DOCK1: variants seen among roughly 807,000 people sequenced by gnomAD.
The protein encoded by DOCK1 is dedicator of cytokinesis protein 1.
Under a neutral mutation model 262.7 loss-of-function variants are expected in DOCK1, and 138 were observed. That is an observed-to-expected ratio of 0.53 (90% CI 0.46 to 0.61). The LOEUF is 0.61. Ranked by LOEUF, DOCK1 falls within the 20% of genes least tolerant of loss-of-function variation. The probability of loss-of-function intolerance (pLI) is 0.00; values close to 1 mark genes in which losing one functional copy is unlikely to be tolerated. For synonymous variants in DOCK1, 866 were observed against 867.4 expected (o/e 1.00, Z 0.03); for missense variants, 1,908 against 2,370.7 (o/e 0.80, Z 4.05).
intron 28 of DOCK1, among the ~76,000 whole-genome samples, chr10:127,253,805 T>A (rs1439469586): frequency 6.8e-6 from 1 of 146,192 alleles, no homozygotes; most frequent in African/African-American, 2.5e-5. Flanking sequence ...AGCCTAGGAG[T>A]TTGAGGCTGC....
intron 1 of DOCK1, among the ~76,000 whole-genome samples, chr10:126,958,711 G>T (rs2036950803): frequency 6.6e-6 from 1 of 152,146 alleles, no homozygotes; most frequent in Non-Finnish European, 1.5e-5. Flanking sequence ...GTGGGTTGGG[G>T]ACCTATGAGG....
At chr10:127,110,407 A>T (rs969594284) in intron 25 of DOCK1, 53 bp downstream of exon 25, 7 of 1,505,518 alleles carry the variant, frequency 4.6e-6, no homozygotes, top group Middle Eastern at 1.7e-4. Context: ...TTTTCTGAAG[A>T]CATTGACCCT....
chr10:127,315,522 A>C (rs1348800785), intron 29 of DOCK1, among the ~76,000 whole-genome samples: 1 of 151,944 alleles, frequency 6.6e-6, no homozygotes, highest in Non-Finnish European at 1.5e-5. Flanking sequence ...AACACATCTC[A>C]CACCTTGATC....
chr10:126,999,829 C>T (rs1307589695), intron 9 of DOCK1, among the ~76,000 whole-genome samples: 5 of 152,172 alleles, frequency 3.3e-5, no homozygotes, highest in Admixed American at 3.3e-4. Context: ...GCATGCACCA[C>T]CACACCTTGC....
chr10:127,340,769 AT>A, intron 30 of DOCK1, among the ~76,000 whole-genome samples: 1 of 152,040 alleles, frequency 6.6e-6, no homozygotes, highest in East Asian at 1.9e-4. Context: ...TTTTGTTTTT[AT>A]TGTCATTTTT....
At chr10:127,119,907 A>G (rs1248430160) in intron 25 of DOCK1, among the ~76,000 whole-genome samples, 1 of 152,220 alleles carries the variant, frequency 6.6e-6, no homozygotes, top group African/African-American at 2.4e-5. Context: ...AATACCTTTT[A>G]TAAAGATTAA....
chr10:126,984,784 C>G (rs911593469), intron 4 of DOCK1, among the ~76,000 whole-genome samples: 1 of 152,028 alleles, frequency 6.6e-6, no homozygotes, highest in Non-Finnish European at 1.5e-5. Context: ...GTGTGCATTA[C>G]CTTACATACT....
chr10:127,094,535 G>T (rs2047785553), intron 23 of DOCK1, among the ~76,000 whole-genome samples: 1 of 152,150 alleles, frequency 6.6e-6, no homozygotes, highest in Non-Finnish European at 1.5e-5. Flanking sequence ...GGTAGGGTGG[G>T]CTAGAGCCTG....
chr10:127,146,386 A>T (rs2051855581), intron 27 of DOCK1, among the ~76,000 whole-genome samples: 1 of 152,238 alleles, frequency 6.6e-6, no homozygotes, highest in African/African-American at 2.4e-5. Context: ...AGTAAAAATG[A>T]CTAAACCTAA....
intron 23 of DOCK1, among the ~76,000 whole-genome samples, chr10:127,073,753 G>A (rs2046362572): frequency 6.6e-6 from 1 of 152,240 alleles, no homozygotes; most frequent in Admixed American, 6.5e-5. Flanking sequence ...TGAAACAGAA[G>A]TAGAGCTTCA....
chr10:126,951,010 G>A (rs2036170726), intron 1 of DOCK1, among the ~76,000 whole-genome samples: 1 of 151,974 alleles, frequency 6.6e-6, no homozygotes, highest in African/African-American at 2.4e-5. Context: ...TGGTGGGGGT[G>A]GTGAAGGTGG....
At position 127,018,843 on chromosome 10, in the gene DOCK1, C is replaced by T. The variant is rs1190925220; in HGVS notation, c.1327+8C>T. The T allele has an allele frequency of 6.2e-7, 1 of 1,613,536 alleles. No homozygotes were observed. The highest frequency in any genetic ancestry group is 1.1e-5 in the South Asian group (1 of 91,008). ...CGGAGATAATCATGCCTGGTAAGAA[C>T]TGGCTTGTTCAGGGCTTCTCAGCAT... On this transcript the variant is annotated splice_region_variant and intron_variant, in intron 13 of 51. Transcript: ENST00000623213.
intron 38 of DOCK1, among the ~76,000 whole-genome samples, chr10:127,398,716 A>G (rs898264069): frequency 1.3e-5 from 2 of 150,904 alleles, no homozygotes. Context: ...AGTTACTTAC[A>G]GCTAGTCAGC....
At chr10:126,982,074 G>C (rs1024422692) in intron 4 of DOCK1, 101 bp downstream of exon 4, 1 of 1,273,370 alleles carries the variant, frequency 7.9e-7, no homozygotes. Flanking sequence ...CAAGACAATG[G>C]GTGTGATTGA....
intron 1 of DOCK1, among the ~76,000 whole-genome samples, chr10:126,908,934 C>T (rs1030877118): frequency 6.6e-6 from 1 of 152,236 alleles, no homozygotes; most frequent in Non-Finnish European, 1.5e-5. Flanking sequence ...TGCTCACTCA[C>T]TCACATCTCA....
chr10:127,407,661 G>C (rs2134360022), intron 40 of DOCK1, among the ~76,000 whole-genome samples: 1 of 152,258 alleles, frequency 6.6e-6, no homozygotes, highest in East Asian at 1.9e-4. Context: ...TGTCCTCTCT[G>C]TCTGTCTCTG....
At chr10:127,036,129 C>T (rs1270243275) in intron 18 of DOCK1, among the ~76,000 whole-genome samples, 1 of 152,198 alleles carries the variant, frequency 6.6e-6, no homozygotes, top group African/African-American at 2.4e-5. Context: ...CTGCTAAGTG[C>T]TTTCTACACG....
At chr10:127,084,432 G>A (rs966184930) in intron 23 of DOCK1, among the ~76,000 whole-genome samples, 1 of 152,192 alleles carries the variant, frequency 6.6e-6, no homozygotes, top group Non-Finnish European at 1.5e-5. Flanking sequence ...TGGGGTCGTG[G>A]CTGTCCTCAG....
In DOCK1 at chr10:127,374,226, C is replaced by G. The variant is rs963460754; in HGVS notation, c.3675+12C>G. ...CCGTCAATGTGCTGGTGAGTGAAAG[C>G]TTAATCACGTTTTTTCAGTTTTCAC... On this transcript the variant is annotated intron_variant, in intron 35 of 51. Coordinates refer to ENST00000623213, the MANE Select transcript of DOCK1 (RefSeq NM_001290223.2). The G allele has an allele frequency of 1.3e-6, 2 of 1,599,818 alleles. No homozygotes were observed. Among genetic ancestry groups the G allele is most frequent in the Non-Finnish European group, 1.7e-6 (2 of 1,173,444 alleles).
Sources: allele counts gnomAD v4.1 joint callset (sites outside exome capture counted in the v4.1 genomes callset), GRCh38; gene constraint gnomAD v4.1.1; transcripts MANE v1.5; gene names NCBI Gene and HGNC (gene_info 2026-07-23, HGNC 2026-07-21).